The following KALRN variants were observed in gnomAD, a reference collection of about 807,000 sequenced individuals.
KALRN encodes the protein kalirin RhoGEF kinase.
Under a neutral mutation model 353.7 loss-of-function variants are expected in KALRN, and 70 were observed. The observed-to-expected ratio is 0.20, with a 90% confidence interval of 0.16 to 0.24. KALRN has a LOEUF of 0.24. Among genes scored for constraint, KALRN ranks in the 10% least tolerant of loss-of-function variants. The pLI is 1.00. For missense variants in KALRN, 2,791 were observed against 3,756.7 expected, an observed-to-expected ratio of 0.74 and a Z score of 6.72; for synonymous variants, 1,391 against 1,434.8, an observed-to-expected ratio of 0.97 and a Z score of 0.69.
chr3:124,660,852 T>C (rs1291383179), intron 43 of KALRN, 71 bp from the exon 44 acceptor site: 2 of 1,061,056 alleles, frequency 1.9e-6, no homozygotes, highest in African/African-American at 3.2e-5. Context: ...ATTTTTATGA[T>C]AAGTTTTTTC....
At position 124,497,210 on chromosome 3, in the gene KALRN, A is replaced by C. The variant is rs181411258; in HGVS notation, c.4935+797A>C. On this transcript the variant is annotated intron_variant, in intron 33 of 59. Coordinates refer to ENST00000682506, the MANE Select transcript of KALRN (RefSeq NM_001388419.1). ...AGGGTCCATGTCTGAGCCTACTCTCATTTGCTTACTCTAGAATCCAAAGAG... is the reference window on the plus strand; with the variant it reads ...AGGGTCCATGTCTGAGCCTACTCTCCTTTGCTTACTCTAGAATCCAAAGAG... Among the ~76,000 whole-genome samples, 17 of 152,230 alleles carry C rather than the reference A, an allele frequency of 1.1e-4. No individual in the cohort carries two copies. In the East Asian group the frequency reaches 3.3e-3, roughly 29 times the overall value.
At chr3:124,069,357 AGGAGGAGG>A (rs1559899953) in intron 1 of KALRN, among the ~76,000 whole-genome samples, 6,062 of 47,308 alleles carry the variant, frequency 0.13, 255 homozygotes, top group Non-Finnish European at 0.25. Flanking sequence ...GAGGAGGAGG[AGGAGGAGG>A]AGGAGGAAAT....
intron 11 of KALRN, among the ~76,000 whole-genome samples, chr3:124,392,566 G>GT (rs35858857): frequency 0.19 from 24,063 of 127,854 alleles, 2,809 homozygotes; most frequent in East Asian, 0.6. Context: ...AGTTTTTTTT[G>GT]TTTTTTTTTT....
Position 124,292,310 on chromosome 3 carries a change from A to G in KALRN, c.970-6481A>G, listed in dbSNP as rs748624057. On this transcript the variant is annotated intron_variant, in intron 5 of 59. Transcript: ENST00000682506. Reference sequence around the variant, plus strand: ...CTTGCCCTCCTACTAAACTGTTTCTATATTCAGGATAAGCTAATTCCAGGA... The same window carrying G: ...CTTGCCCTCCTACTAAACTGTTTCTGTATTCAGGATAAGCTAATTCCAGGA... Among the ~76,000 whole-genome samples the G allele has an allele frequency of 1.8e-4, 28 of 152,118 alleles. 1 individual carries two copies. Among genetic ancestry groups the G allele is most frequent in the Admixed American group, 7.9e-4 (12 of 15,272 alleles).
At chr3:124,192,385 T>C (rs1579198814) in intron 1 of KALRN, among the ~76,000 whole-genome samples, 1 of 151,990 alleles carries the variant, frequency 6.6e-6, no homozygotes, top group South Asian at 2.1e-4. Flanking sequence ...GGAAAGGTAG[T>C]AGGGGGTTGA....
At chr3:124,644,305 G>A (rs1293144309) in intron 37 of KALRN, among the ~76,000 whole-genome samples, 1 of 151,914 alleles carries the variant, frequency 6.6e-6, no homozygotes, top group African/African-American at 2.4e-5. Context: ...CATCTGTGTT[G>A]TGGCAAATGG....
intron 16 of KALRN, among the ~76,000 whole-genome samples, chr3:124,433,615 AAGG>A (rs1560925195): frequency 7.0e-6 from 1 of 141,978 alleles, no homozygotes; most frequent in Non-Finnish European, 1.5e-5. Flanking sequence ...AAAAAAAAAA[AAGG>A]AAAGAAAATA....
chr3:124,118,653 A>C (rs537411414), intron 1 of KALRN, among the ~76,000 whole-genome samples: 31 of 152,340 alleles, frequency 2.0e-4, no homozygotes, highest in African/African-American at 7.5e-4. Flanking sequence ...AATGCCAGGC[A>C]GTGAGGCCTA....
chr3:124,042,756 A>G (rs2040082903), intron 1 of KALRN, among the ~76,000 whole-genome samples: 1 of 152,164 alleles, frequency 6.6e-6, no homozygotes, highest in South Asian at 2.1e-4. Context: ...GACATGTTGC[A>G]TTTCAGGTGT....
chr3:124,203,342 T>C (rs1228082383), intron 1 of KALRN, among the ~76,000 whole-genome samples: 2 of 152,132 alleles, frequency 1.3e-5, no homozygotes, highest in African/African-American at 4.8e-5. Context: ...ACAGGTTCTA[T>C]TTGATTGTGC....
chr3:124,408,376 C>G (rs961541198), intron 13 of KALRN, among the ~76,000 whole-genome samples: 1 of 152,110 alleles, frequency 6.6e-6, no homozygotes, highest in African/African-American at 2.4e-5. Flanking sequence ...CTTGGAGCAG[C>G]CCTATTGTTG....
At chr3:124,206,114 G>A (rs2076389230) in intron 1 of KALRN, among the ~76,000 whole-genome samples, 1 of 152,188 alleles carries the variant, frequency 6.6e-6, no homozygotes, top group South Asian at 2.1e-4. Context: ...AGCATAGGTT[G>A]ATGGCTGTAA....
intron 1 of KALRN, among the ~76,000 whole-genome samples, chr3:124,124,389 G>A (rs541113683): frequency 4.9e-4 from 74 of 152,218 alleles, no homozygotes; most frequent in Non-Finnish European, 1.0e-3. Flanking sequence ...ATGAGGAGCT[G>A]CTTCCTATGA....
chr3:124,203,153 G>T (rs1257786730), intron 1 of KALRN, among the ~76,000 whole-genome samples: 1 of 152,190 alleles, frequency 6.6e-6, no homozygotes, highest in Non-Finnish European at 1.5e-5. Context: ...GGTGTCATCG[G>T]TCATCAAGCT....
chr3:124,189,290 G>C (rs1236874471), intron 1 of KALRN, among the ~76,000 whole-genome samples: 1 of 152,180 alleles, frequency 6.6e-6, no homozygotes, highest in African/African-American at 2.4e-5. Flanking sequence ...GTTAGTTTTG[G>C]TATGGAGTGG....
At chr3:124,322,095 C>T (rs1280726569) in intron 6 of KALRN, among the ~76,000 whole-genome samples, 2 of 152,204 alleles carry the variant, frequency 1.3e-5, no homozygotes, top group Non-Finnish European at 2.9e-5. Context: ...AGAGAAGGGC[C>T]TCTGGCCCTT....
chr3:124,549,385 TCA>T (rs374992639), intron 33 of KALRN, among the ~76,000 whole-genome samples: 32 of 130,862 alleles, frequency 2.4e-4, no homozygotes, highest in East Asian at 1.3e-3. Flanking sequence ...ACACACACAA[TCA>T]CACACACACA....
intron 57 of KALRN, among the ~76,000 whole-genome samples, chr3:124,712,582 A>G (rs2062942202): frequency 6.6e-6 from 1 of 151,292 alleles, no homozygotes; most frequent in African/African-American, 2.4e-5. Flanking sequence ...TTGAGCCTGG[A>G]AAGTTGAGGC....
At chr3:124,433,779 C>A (rs1224403407) in intron 16 of KALRN, among the ~76,000 whole-genome samples, 2 of 152,096 alleles carry the variant, frequency 1.3e-5, no homozygotes, top group African/African-American at 4.8e-5. Flanking sequence ...TATTAACCTG[C>A]CAAATTTATT....
Sources: allele counts gnomAD v4.1 joint callset (sites outside exome capture counted in the v4.1 genomes callset), GRCh38; gene constraint gnomAD v4.1.1; transcripts MANE v1.5; gene names NCBI Gene and HGNC (gene_info 2026-07-23, HGNC 2026-07-21).